Variants in PPP2R2D observed in about 807,000 individuals in gnomAD.
The protein encoded by PPP2R2D is protein phosphatase 2 regulatory subunit Bdelta.
A neutral mutation model predicts 31.1 loss-of-function variants in PPP2R2D; 9 were observed. That is an observed-to-expected ratio of 0.29 (90% CI 0.17 to 0.51). The LOEUF is 0.51. PPP2R2D is among the 20% of genes least tolerant of loss of function. The pLI, the probability that PPP2R2D is intolerant of heterozygous loss-of-function variation, is 0.98. For synonymous variants in PPP2R2D, 179 were observed against 172.6 expected (o/e 1.04, Z -0.29); for missense variants, 391 against 465.6 (o/e 0.84, Z 1.48).
At chr10:131,953,106 G>T (rs1554899209) in intron 8 of PPP2R2D, among the ~76,000 whole-genome samples, 1 of 136,458 alleles carries the variant, frequency 7.3e-6, no homozygotes, top group Non-Finnish European at 1.6e-5. Context: ...GCAGTGACTT[G>T]CGGGGGTTCC....
At chr10:131,936,901 C>G (rs1234645494) in intron 3 of PPP2R2D, among the ~76,000 whole-genome samples, 1 of 152,188 alleles carries the variant, frequency 6.6e-6, no homozygotes, top group African/African-American at 2.4e-5. Flanking sequence ...GGCTGGTTGC[C>G]CCATGTGCCC....
intron 2 of PPP2R2D, among the ~76,000 whole-genome samples, chr10:131,905,700 G>A (rs892303266): frequency 1.3e-5 from 2 of 152,220 alleles, no homozygotes; most frequent in Non-Finnish European, 2.9e-5. Flanking sequence ...AATCCGAGGC[G>A]TGGGAGCAAT....
intron 2 of PPP2R2D, among the ~76,000 whole-genome samples, chr10:131,917,253 T>C (rs1554893312): frequency 7.7e-6 from 1 of 129,038 alleles, no homozygotes. Flanking sequence ...ACAGTGTTTG[T>C]AGGGACCTCA....
At chr10:131,923,255 C>T (rs547601530) in intron 2 of PPP2R2D, among the ~76,000 whole-genome samples, 4 of 152,312 alleles carry the variant, frequency 2.6e-5, no homozygotes, top group South Asian at 2.1e-4. Flanking sequence ...CTCTGCTCCC[C>T]GGCTGCTTCT....
chr10:131,920,181 G>A lies in PPP2R2D; in HGVS notation c.101-14277G>A, dbSNP rs570145378. The stretch of plus-strand genomic sequence containing the variant: ...GGTGGAATGACACAGTGTTTGTAGG[G>A]ACCTGACGTGGGTGGAATGACACAG... On this transcript the variant is annotated intron_variant, in intron 2 of 8. Coordinates refer to ENST00000455566, the MANE Select transcript of PPP2R2D (RefSeq NM_018461.5). 2.1e-5 allele frequency among the ~76,000 whole-genome samples: 3 copies of A among 142,790 alleles called. No individual in the cohort carries two copies. The Admixed American group carries it at 2.1e-4, about 10-fold the overall frequency. 93.7% of individuals were successfully genotyped at this position (142,790 alleles called of 152,430 possible).
rs1034041960 is a variant in PPP2R2D at position 131,903,147 on chromosome 10, C to T, written c.100+1817C>T. Among the ~76,000 whole-genome samples, 641 of 152,112 alleles carry T rather than the reference C, an allele frequency of 4.2e-3. 2 individuals are homozygous for T. Among genetic ancestry groups the T allele is most frequent in the African/African-American group, 0.012 (507 of 41,484 alleles). On this transcript the variant is annotated intron_variant, in intron 2 of 8. Coordinates refer to ENST00000455566, the MANE Select transcript of PPP2R2D (RefSeq NM_018461.5). ...AGTATATTTTAAATGTGACTGTACA[C>T]ATATGAAAATAGTATTCTTTCTTTA...
rs2036316712 is a variant in PPP2R2D, at chr10:131,935,162, C to CTG, written c.198+607_198+608insTG. ...GCCTTTTCACTGATGCCTTGCCAGCCCCCTCCCTCTTCTTTCTGTTGAGCC... is the reference window on the plus strand; with the variant it reads ...GCCTTTTCACTGATGCCTTGCCAGCCTGCCCTCCCTCTTCTTTCTGTTGAGCC... On this transcript the variant is annotated intron_variant, in intron 3 of 8. Transcript: ENST00000455566. Among the ~76,000 whole-genome samples, 5 of 152,308 alleles carry CTG rather than the reference C, an allele frequency of 3.3e-5. No homozygotes were observed. In the South Asian group the frequency reaches 1.0e-3, roughly 32 times the overall value.
intron 3 of PPP2R2D, among the ~76,000 whole-genome samples, chr10:131,938,757 T>A (rs2036389013): frequency 6.6e-6 from 1 of 152,202 alleles, no homozygotes; most frequent in South Asian, 2.1e-4. Flanking sequence ...AGCGGCTTCG[T>A]GGTGGTCCCT....
chr10:131,925,346 T>C (rs1484578494), intron 2 of PPP2R2D, among the ~76,000 whole-genome samples: 1 of 152,222 alleles, frequency 6.6e-6, no homozygotes, highest in African/African-American at 2.4e-5. Context: ...TGAGTGTTTT[T>C]ATCATGAAAA....
rs2035946459 is a variant in PPP2R2D at position 131,920,112 on chromosome 10, G to A, written c.101-14346G>A. Among the ~76,000 whole-genome samples the A allele has an allele frequency of 6.4e-5, 9 of 140,896 alleles. 1 individual carries two copies. Among genetic ancestry groups the A allele is most frequent in the Admixed American group, 4.3e-4 (6 of 13,976 alleles). The allele number at this position is 140,896 out of a possible 152,430, so 92.4% of individuals were successfully genotyped here. ...ACGGGTGGAATGACAGTGTTTGTAG[G>A]GACCTCACGCGGGTGGAATTACACA... On this transcript the variant is annotated intron_variant, in intron 2 of 8. Transcript: ENST00000455566.
chr10:131,952,867 C>T, intron 8 of PPP2R2D, among the ~76,000 whole-genome samples: 1 of 24,456 alleles, frequency 4.1e-5, no homozygotes, highest in African/African-American at 2.8e-4. Context: ...CGGGGGGGGT[C>T]CCTGTCTTAT....
At chr10:131,939,868 C>CTT (rs79311795) in intron 3 of PPP2R2D, 163 bp from the exon 4 acceptor site, 71 of 328,554 alleles carry the variant, frequency 2.2e-4, no homozygotes, top group Admixed American at 3.0e-4. Flanking sequence ...CAAGTTCGTT[C>CTT]TTTTTTTTTT....
chr10:131,960,687 TTTGC>T (rs1236376247), downstream of PPP2R2D, among the ~76,000 whole-genome samples: 2 of 152,160 alleles, frequency 1.3e-5, no homozygotes, highest in South Asian at 2.1e-4. Flanking sequence ...GCATCACCCC[TTTGC>T]TTGCTTGGGA....
At chr10:131,917,242 C>CA (rs1284353258) in intron 2 of PPP2R2D, among the ~76,000 whole-genome samples, 1 of 121,656 alleles carries the variant, frequency 8.2e-6, no homozygotes, top group Non-Finnish European at 1.7e-5. Flanking sequence ...GGTGGAATGA[C>CA]ACAGTGTTTG....
At chr10:131,965,826 A>G in the PPP2R2D span, among the ~76,000 whole-genome samples, 2 of 152,176 alleles carry the variant, frequency 1.3e-5, no homozygotes, top group South Asian at 4.1e-4. Flanking sequence ...CTAGGGAGAC[A>G]TCTATTTTTG....
At chr10:131,933,980 T>C (rs1000028134) in intron 2 of PPP2R2D, among the ~76,000 whole-genome samples, 1 of 152,180 alleles carries the variant, frequency 6.6e-6, no homozygotes, top group Admixed American at 6.5e-5. Flanking sequence ...TCTAGAATAT[T>C]ACATTGTACA....
At chr10:131,951,323 A>G (rs1183042465) in intron 8 of PPP2R2D, among the ~76,000 whole-genome samples, 1 of 152,242 alleles carries the variant, frequency 6.6e-6, no homozygotes, top group African/African-American at 2.4e-5. Flanking sequence ...GAGACAGCCC[A>G]CAGGTGCATC....
At chr10:131,920,385 G>A (rs879970656) in intron 2 of PPP2R2D, among the ~76,000 whole-genome samples, 1 of 149,498 alleles carries the variant, frequency 6.7e-6, no homozygotes, top group African/African-American at 2.5e-5. Context: ...GGGACCTCAC[G>A]TGGGTGGAGT....
chr10:131,923,729 T>A (rs1428353056), intron 2 of PPP2R2D, among the ~76,000 whole-genome samples: 1 of 152,166 alleles, frequency 6.6e-6, no homozygotes, highest in Non-Finnish European at 1.5e-5. Context: ...ATATATATAT[T>A]TTTGGAAAAT....
Sources: gnomAD v4.1 joint callset for allele counts (sites outside exome capture counted in the v4.1 genomes callset) on GRCh38, gnomAD v4.1.1 for gene constraint, MANE v1.5 for transcripts, NCBI Gene and HGNC (gene_info 2026-07-23, HGNC 2026-07-21) for gene names.